The following SGCD variants were observed in gnomAD, a reference collection of about 807,000 sequenced individuals.
SGCD encodes sarcoglycan delta, also known as delta-sarcoglycan.
In SGCD, 18 loss-of-function variants were observed where a neutral mutation model predicts 36.6. The ratio of observed to expected loss-of-function variants is 0.49; its 90% CI spans 0.34 to 0.73. The LOEUF (loss-of-function observed/expected upper bound fraction) is 0.73, where lower values mean the gene tolerates loss of function less well. SGCD is among the 30% of genes least tolerant of loss of function. SGCD has a pLI of 0.01. For synonymous variants in SGCD, 133 were observed against 130.6 expected (o/e 1.02, Z -0.12); for missense variants, 387 against 346.7 (o/e 1.12, Z -0.92).
chr5:156,573,270 C>G (rs929120422), intron 4 of SGCD, among the ~76,000 whole-genome samples: 7 of 152,182 alleles, frequency 4.6e-5, no homozygotes, highest in African/African-American at 1.7e-4. Context: ...AGGTCAGGTT[C>G]TGCATGACCT....
At chr5:156,501,066 C>T (rs990966561) in intron 3 of SGCD, among the ~76,000 whole-genome samples, 21 of 152,114 alleles carry the variant, frequency 1.4e-4, no homozygotes, top group Admixed American at 1.3e-3. Flanking sequence ...GAAACTTTGG[C>T]GAGGCTGGAG....
chr5:156,619,725 A>C, intron 6 of SGCD, among the ~76,000 whole-genome samples: 1 of 152,312 alleles, frequency 6.6e-6, no homozygotes, highest in East Asian at 1.9e-4. Flanking sequence ...TGAATAAGAA[A>C]ATCTCAGTGC....
intron 3 of SGCD, among the ~76,000 whole-genome samples, chr5:156,277,548 A>C (rs1311574358): frequency 6.6e-6 from 1 of 152,222 alleles, no homozygotes. Flanking sequence ...TGAGTAAAAG[A>C]GGGACAGAAG....
intron 1 of SGCD, among the ~76,000 whole-genome samples, chr5:155,970,052 G>C (rs928385301): frequency 6.6e-6 from 1 of 151,940 alleles, no homozygotes; most frequent in African/African-American, 2.4e-5. Context: ...GATAAGTTAG[G>C]TTGATGATAC....
At chr5:156,484,876 A>G (rs1406012197) in intron 3 of SGCD, among the ~76,000 whole-genome samples, 10 of 152,216 alleles carry the variant, frequency 6.6e-5, no homozygotes, top group Admixed American at 6.5e-4. Context: ...TGGTTAAATT[A>G]GTTTTTAATT....
chr5:156,011,823 G>A (rs1057118836), intron 1 of SGCD, among the ~76,000 whole-genome samples: 1 of 152,094 alleles, frequency 6.6e-6, no homozygotes, highest in Non-Finnish European at 1.5e-5. Flanking sequence ...CTCTCACCAG[G>A]CAGATGGATG....
At chr5:156,073,417 G>A (rs1382637769) in intron 1 of SGCD, among the ~76,000 whole-genome samples, 1 of 152,072 alleles carries the variant, frequency 6.6e-6, no homozygotes, top group African/African-American at 2.4e-5. Flanking sequence ...AAAAAAGTTA[G>A]CTAGGAATGA....
the SGCD span, among the ~76,000 whole-genome samples, chr5:155,828,362 C>A: frequency 6.6e-6 from 1 of 152,168 alleles, no homozygotes; most frequent in African/African-American, 2.4e-5. Flanking sequence ...AATACCCATT[C>A]TTTCCATTAC....
intron 1 of SGCD, among the ~76,000 whole-genome samples, chr5:156,026,785 T>C (rs1206613413): frequency 6.6e-6 from 1 of 152,122 alleles, no homozygotes; most frequent in Non-Finnish European, 1.5e-5. Flanking sequence ...ATATGGGTCT[T>C]TGGGAAAAAT....
rs148996549 is a variant in SGCD, at chr5:156,632,867, T to G, written c.503-14597T>G. On this transcript the variant is annotated intron_variant, in intron 6 of 8. Transcript: ENST00000337851. ...GAGATGGGGGAGGCATATATGATCATGGAGACATGTGAAATGTTCATTTTT... is the reference window on the plus strand; with the variant it reads ...GAGATGGGGGAGGCATATATGATCAGGGAGACATGTGAAATGTTCATTTTT... Among the ~76,000 whole-genome samples, 419 of 152,296 alleles carry G rather than the reference T, an allele frequency of 2.8e-3. 1 individual carries two copies. Among genetic ancestry groups the G allele is most frequent in the African/African-American group, 9.4e-3 (391 of 41,568 alleles).
intron 1 of SGCD, among the ~76,000 whole-genome samples, chr5:155,964,805 G>T (rs1233521703): frequency 6.6e-6 from 1 of 152,106 alleles, no homozygotes; most frequent in Non-Finnish European, 1.5e-5. Flanking sequence ...GAGAACAAGT[G>T]CATCTTTGCT....
the SGCD span, among the ~76,000 whole-genome samples, chr5:155,731,996 A>C: frequency 1.3e-5 from 2 of 152,172 alleles, no homozygotes; most frequent in Non-Finnish European, 2.9e-5. Context: ...TTTCTTGTGA[A>C]TTTCTCTTGA....
chr5:155,875,508 C>T (rs1755745983), intron 1 of SGCD, among the ~76,000 whole-genome samples: 1 of 152,144 alleles, frequency 6.6e-6, no homozygotes, highest in African/African-American at 2.4e-5. Flanking sequence ...CAACCTGGCA[C>T]ATCTGCTGTT....
At chr5:155,804,048 A>G in the SGCD span, among the ~76,000 whole-genome samples, 1 of 152,174 alleles carries the variant, frequency 6.6e-6, no homozygotes, top group African/African-American at 2.4e-5. Context: ...TTTGGCGGAG[A>G]TACTATGGAG....
chr5:155,766,173 G>A, the SGCD span, among the ~76,000 whole-genome samples: 2 of 152,108 alleles, frequency 1.3e-5, no homozygotes, highest in South Asian at 2.1e-4. Flanking sequence ...GATAGAGGGT[G>A]CATTAAAAAC....
intron 1 of SGCD, among the ~76,000 whole-genome samples, chr5:155,941,525 TTAA>T (rs1436453020): frequency 4.0e-5 from 6 of 151,026 alleles, no homozygotes; most frequent in Admixed American, 3.3e-4. Flanking sequence ...TATATTGCTA[TTAA>T]TAACCATTGA....
chr5:155,924,140 C>A (rs535055426), intron 1 of SGCD, among the ~76,000 whole-genome samples: 1 of 152,254 alleles, frequency 6.6e-6, no homozygotes, highest in East Asian at 1.9e-4. Flanking sequence ...TATTGTCTTC[C>A]TTTTGATATA....
intron 1 of SGCD, among the ~76,000 whole-genome samples, chr5:155,957,901 A>G (rs1003217118): frequency 6.6e-6 from 1 of 152,130 alleles, no homozygotes; most frequent in Non-Finnish European, 1.5e-5. Flanking sequence ...CGTCATTCAC[A>G]GTAACATACA....
intron 1 of SGCD, among the ~76,000 whole-genome samples, chr5:156,115,681 A>C (rs888743581): frequency 2.0e-5 from 3 of 152,050 alleles, no homozygotes; most frequent in African/African-American, 7.2e-5. Context: ...ATTAAAATAG[A>C]CTTTCTTGTC....
Sources: gnomAD v4.1 joint callset for allele counts (sites outside exome capture counted in the v4.1 genomes callset) on GRCh38, gnomAD v4.1.1 for gene constraint, MANE v1.5 for transcripts, NCBI Gene and HGNC (gene_info 2026-07-23, HGNC 2026-07-21) for gene names.